CERKL: variants seen among roughly 807,000 people sequenced by gnomAD.
The protein encoded by CERKL is CERK like autophagy regulator.
In CERKL, 61 loss-of-function variants were observed where a neutral mutation model predicts 63.4. The ratio of observed to expected loss-of-function variants is 0.96; its 90% confidence interval spans 0.78 to 1.19. The LOEUF (loss-of-function observed/expected upper bound fraction) is 1.19, where lower values mean the gene tolerates loss of function less well. CERKL is among the 50% of genes most tolerant of loss of function. The probability of loss-of-function intolerance (pLI) is 0.00; values close to 1 mark genes in which losing one functional copy is unlikely to be tolerated. For missense variants in CERKL, 675 were observed against 655.5 expected, an observed-to-expected ratio of 1.03 and a Z score of -0.33; for synonymous variants, 250 against 230.5, an observed-to-expected ratio of 1.08 and a Z score of -0.77.
At chr2:181,589,827 T>C (rs573600897) in intron 2 of CERKL, among the ~76,000 whole-genome samples, 41 of 152,124 alleles carry the variant, frequency 2.7e-4, no homozygotes, top group Non-Finnish European at 4.3e-4. Flanking sequence ...AAGGTATGTA[T>C]GTATGTATGT....
At chr2:181,549,553 G>C in intron 6 of CERKL, 81 bp downstream of exon 6, 1 of 1,129,440 alleles carries the variant, frequency 8.9e-7, no homozygotes, top group Non-Finnish European at 1.3e-6. Flanking sequence ...TTTTCTTAAA[G>C]TCTGATGGAA....
intron 1 of CERKL, among the ~76,000 whole-genome samples, chr2:181,637,177 C>T (rs1687215368): frequency 6.6e-6 from 1 of 151,998 alleles, no homozygotes; most frequent in South Asian, 2.1e-4. Context: ...TGCCCTTATA[C>T]AATAATGATT....
In CERKL at chr2:181,549,648, A is replaced by C; in HGVS notation, c.881T>G (p.Leu294Trp). ...HGVPHVITAT[L>W]HIIMGHVQLV... is the part of the protein sequence containing the mutation. ...AGAATTCTTACCCATTATAATGTGC[A>C]ATGTTGCAGTTATCACATGAGGAAC... Residue 294 changes from leucine (L) to tryptophan (W), a missense_variant, in exon 6 of 13, where the codon TTG (leucine) becomes TGG (tryptophan). Leu to Trp is a moderately conservative substitution (Grantham distance 61). Coordinates refer to ENST00000410087, the MANE Select transcript of CERKL (RefSeq NM_201548.5). 1.2e-6 allele frequency: 2 copies of C among 1,609,634 alleles called. No homozygotes were observed. Among genetic ancestry groups the C allele is most frequent in the Non-Finnish European group, 1.7e-6 (2 of 1,176,200 alleles).
At chr2:181,643,998 G>A (rs777969336) in intron 1 of CERKL, among the ~76,000 whole-genome samples, 2 of 152,176 alleles carry the variant, frequency 1.3e-5, no homozygotes, top group Non-Finnish European at 1.5e-5. Flanking sequence ...GTTTTTCCTT[G>A]GTTGAGATGT....
rs1490975565 is a variant in CERKL, at chr2:181,544,746, G to C, written c.1319C>G (p.Pro440Arg). ...TCTTTTCAGGTGTTTTATAAATTCT[G>C]GCCGAGAAGTGTTTCGGGCAATTAT... is the stretch of plus-strand genomic sequence containing the variant. ...ALIIARNTSR[P>R]EFIKHLKRYA... The change falls in exon 11 of 13, where the codon CCA (proline) becomes CGA (arginine). Residue 440 changes from proline to arginine, a missense_variant. Physicochemically the swap from Pro to Arg is moderately radical, Grantham distance 103. Coordinates refer to ENST00000410087, the MANE Select transcript of CERKL (RefSeq NM_201548.5). 2 of 1,608,968 alleles carry C rather than the reference G, an allele frequency of 1.2e-6. No homozygotes were observed. The highest frequency in any genetic ancestry group is 2.2e-5 in the East Asian group (1 of 44,652).
chr2:181,593,032 A>G (rs1685052364), intron 2 of CERKL, among the ~76,000 whole-genome samples: 1 of 152,172 alleles, frequency 6.6e-6, no homozygotes, highest in African/African-American at 2.4e-5. Context: ...AATAATAGTA[A>G]GAGTTACCCT....
chr2:181,542,935 T>C (rs903506976), intron 11 of CERKL, among the ~76,000 whole-genome samples: 2 of 152,302 alleles, frequency 1.3e-5, no homozygotes, highest in African/African-American at 4.8e-5. Flanking sequence ...TTACAAAAAT[T>C]GCCTGAGAGA....
chr2:181,576,800 T>C (rs766733424), intron 2 of CERKL, among the ~76,000 whole-genome samples: 1 of 152,218 alleles, frequency 6.6e-6, no homozygotes, highest in Non-Finnish European at 1.5e-5. Context: ...CTGACAGCAT[T>C]TGTTGACTCT....
At chr2:181,549,512 T>C (rs1687891171) in intron 6 of CERKL, 122 bp downstream of exon 6, 2 of 776,370 alleles carry the variant, frequency 2.6e-6, no homozygotes, top group Admixed American at 2.2e-5. Flanking sequence ...TAGTCAAACA[T>C]TTCTCTACTC....
intron 2 of CERKL, among the ~76,000 whole-genome samples, chr2:181,593,636 C>A (rs1477419201): frequency 1.3e-5 from 2 of 151,756 alleles, no homozygotes; most frequent in Non-Finnish European, 2.9e-5. Flanking sequence ...AGTTCTGTTC[C>A]CTTAGATTTC....
chr2:181,588,010 A>G (rs1441509878), intron 2 of CERKL, among the ~76,000 whole-genome samples: 2 of 152,188 alleles, frequency 1.3e-5, no homozygotes, highest in African/African-American at 4.8e-5. Flanking sequence ...TAAACTGTAT[A>G]TTTATCATGT....
intron 8 of CERKL, chr2:181,548,247 A>G: frequency 2.0e-6 from 1 of 511,908 alleles, no homozygotes; most frequent in Non-Finnish European, 3.4e-6. Context: ...GAAAGGGAAA[A>G]GGAAAGAAAG....
chr2:181,625,337 T>C (rs1478637490), intron 1 of CERKL, among the ~76,000 whole-genome samples: 1 of 150,618 alleles, frequency 6.6e-6, no homozygotes, highest in Non-Finnish European at 1.5e-5. Flanking sequence ...GTATAAGTTA[T>C]CTAGCTAGAA....
chr2:181,573,184 T>C (rs1688983070), intron 3 of CERKL, among the ~76,000 whole-genome samples: 1 of 152,158 alleles, frequency 6.6e-6, no homozygotes. Context: ...ATATTACTAA[T>C]CATCTATTAA....
At position 181,544,697 on chromosome 2, in the gene CERKL, T is replaced by C. The variant is rs1347304888; in HGVS notation, c.1365+3A>G. 14 of 1,551,678 alleles carry C rather than the reference T, an allele frequency of 9.0e-6. No individual in the cohort carries two copies. Among genetic ancestry groups the C allele is most frequent in the South Asian group, 4.6e-5 (4 of 87,876 alleles). On this transcript the variant is annotated splice_donor_region_variant and intron_variant, in intron 11 of 12. Coordinates refer to ENST00000410087, the MANE Select transcript of CERKL (RefSeq NM_201548.5). Reference sequence around the variant, plus strand: ...AATAAGTAACAAAAAGAATTTACTATACCTGATTTTTTACACTGGCATATC... The same window carrying C: ...AATAAGTAACAAAAAGAATTTACTACACCTGATTTTTTACACTGGCATATC...
At chr2:181,623,622 A>C (rs1242238962) in intron 1 of CERKL, among the ~76,000 whole-genome samples, 1 of 152,192 alleles carries the variant, frequency 6.6e-6, no homozygotes, top group Non-Finnish European at 1.5e-5. Flanking sequence ...TTAGACAGAG[A>C]TCTTCCTTGA....
At chr2:181,551,553 TA>T (rs200917645) in intron 5 of CERKL, among the ~76,000 whole-genome samples, 22,350 of 150,460 alleles carry the variant, frequency 0.15, 1,839 homozygotes, top group East Asian at 0.22. Context: ...AACAAACATA[TA>T]AAAAAAAAGC....
chr2:181,652,153 A>G (rs996928360), intron 1 of CERKL, among the ~76,000 whole-genome samples: 1 of 147,460 alleles, frequency 6.8e-6, no homozygotes, highest in Admixed American at 6.7e-5. Context: ...TTACAATCTG[A>G]AAATTCATGC....
intron 2 of CERKL, among the ~76,000 whole-genome samples, chr2:181,601,587 T>A (rs1186658633): frequency 2.0e-5 from 3 of 152,108 alleles, no homozygotes; most frequent in African/African-American, 7.2e-5. Flanking sequence ...CAAAATTTTT[T>A]AAAAGTGCCA....
Sources: gnomAD v4.1 joint callset for allele counts (sites outside exome capture counted in the v4.1 genomes callset) on GRCh38, gnomAD v4.1.1 for gene constraint, MANE v1.5 for transcripts, NCBI Gene and HGNC (gene_info 2026-07-23, HGNC 2026-07-21) for gene names.